The following SLC13A3 variants were observed in gnomAD, a reference collection of about 807,000 sequenced individuals.
The protein encoded by SLC13A3 is solute carrier family 13 member 3, also known as Na(+)/dicarboxylate cotransporter 3.
In SLC13A3, 40 loss-of-function variants were observed where a neutral mutation model predicts 59.0. That is an observed-to-expected ratio of 0.68 (90% CI 0.53 to 0.88). The LOEUF is 0.88. SLC13A3 is among the 40% of genes least tolerant of loss of function. The probability of loss-of-function intolerance (pLI) is 0.00; values close to 1 mark genes in which losing one functional copy is unlikely to be tolerated. For synonymous variants in SLC13A3, 317 were observed against 330.3 expected (o/e 0.96, Z 0.44); for missense variants, 699 against 783.2 (o/e 0.89, Z 1.28).
intron 12 of SLC13A3, among the ~76,000 whole-genome samples, chr20:46,561,476 C>G (rs180852143): frequency 3.1e-4 from 47 of 152,284 alleles, no homozygotes; most frequent in African/African-American, 1.1e-3. Context: ...GCCCTTTTAA[C>G]AAGGAGAGGC....
chr20:46,567,615 G>A (rs2061991951), intron 10 of SLC13A3, among the ~76,000 whole-genome samples: 1 of 151,828 alleles, frequency 6.6e-6, no homozygotes, highest in Admixed American at 6.6e-5. Flanking sequence ...GGCAGAGACG[G>A]GTAGAGAAGT....
At chr20:46,655,961 ATATGTATATATG>A (rs1237873999), upstream of SLC13A3, among the ~76,000 whole-genome samples, 10 of 142,826 alleles carry the variant, frequency 7.0e-5, no homozygotes, top group Non-Finnish European at 1.4e-4. Context: ...CAGTATACAT[ATATGTATATATG>A]TATGTATATA....
At chr20:46,614,622 G>A (rs181613572) in intron 1 of SLC13A3, among the ~76,000 whole-genome samples, 150 of 152,312 alleles carry the variant, frequency 9.8e-4, no homozygotes, top group African/African-American at 3.4e-3. Context: ...GCTGACATCT[G>A]TTGGGCTATT....
chr20:46,631,326 C>G (rs1456663139), intron 1 of SLC13A3, among the ~76,000 whole-genome samples: 2 of 152,200 alleles, frequency 1.3e-5, no homozygotes, highest in African/African-American at 4.8e-5. Flanking sequence ...TGGAGAAACC[C>G]TGGTCTAATC....
intron 8 of SLC13A3, among the ~76,000 whole-genome samples, chr20:46,586,860 A>T: frequency 6.6e-6 from 1 of 152,164 alleles, no homozygotes; most frequent in East Asian, 1.9e-4. Flanking sequence ...TGCAGGCCAC[A>T]TGGTGTTTGT....
intron 3 of SLC13A3, among the ~76,000 whole-genome samples, chr20:46,603,246 T>G (rs182453336): frequency 4.0e-5 from 6 of 151,662 alleles, no homozygotes; most frequent in Non-Finnish European, 7.4e-5. Context: ...AAAAGCCAGA[T>G]AGTAAACATT....
intron 11 of SLC13A3, 31 bp downstream of exon 11, chr20:46,566,198 G>T (rs762547630): frequency 1.9e-6 from 3 of 1,593,470 alleles, no homozygotes; most frequent in Non-Finnish European, 2.6e-6. Flanking sequence ...TGGGGGAGGG[G>T]TGCTCCCCTC....
In SLC13A3 at chr20:46,560,137, G is replaced by C; in HGVS notation, c.1694C>G (p.Thr565Ser). ...CAGCTGGAAGATGGTCTGTGCCCAG[G>C]TATTCATAGCCAAACTGAGCAGCAG... The part of the protein sequence containing the change: ...GVLLLSLAMN[T>S]WAQTIFQLGT... The change falls in exon 13 of 13, where the codon ACC becomes AGC. Residue 565 changes from threonine to serine, a missense_variant. Thr to Ser is a moderately conservative substitution (Grantham distance 58, BLOSUM62 1). Transcript: ENST00000279027. 1.2e-6 allele frequency: 2 copies of C among 1,614,110 alleles called. No homozygotes were observed. Among genetic ancestry groups the C allele is most frequent in the Non-Finnish European group, 1.7e-6 (2 of 1,180,006 alleles).
At chr20:46,592,639 TC>T in intron 5 of SLC13A3, 110 bp from the exon 6 acceptor site, 1 of 1,101,100 alleles carries the variant, frequency 9.1e-7, no homozygotes, top group Non-Finnish European at 1.3e-6. Flanking sequence ...AATGAGAGGG[TC>T]CCATGGAAGT....
chr20:46,596,368 A>G (rs759202564), intron 4 of SLC13A3, 26 bp from the exon 5 acceptor site: 11 of 1,608,510 alleles, frequency 6.8e-6, no homozygotes, highest in African/African-American at 1.3e-5. Context: ...AAGAGAAGCC[A>G]TTCAGAATAC....
chr20:46,585,184 C>T, intron 8 of SLC13A3: 1 of 984,318 alleles, frequency 1.0e-6, no homozygotes, highest in Non-Finnish European at 1.2e-6. Context: ...GGCAAGTTGT[C>T]CATGATCATA....
intron 1 of SLC13A3, chr20:46,675,823 T>C (rs896624840): frequency 3.3e-5 from 5 of 152,362 alleles, no homozygotes; most frequent in Non-Finnish European, 7.3e-5. Flanking sequence ...GGGAGAACCA[T>C]GAGAGGCAAC....
At chr20:46,652,547 ATTT>A (rs11471373), upstream of SLC13A3, among the ~76,000 whole-genome samples, 8,769 of 117,852 alleles carry the variant, frequency 0.074, 380 homozygotes, top group East Asian at 0.16. Context: ...TATCTGGCTA[ATTT>A]TTTTTTTTTT....
Position 46,559,987 on chromosome 20 carries a change from G to C in SLC13A3, c.*35C>G. ...GCAGGTGATGGTGACAGCCCTTTGA[G>C]AGGGTTCAGCCTCAAGGGAGTCCTC... On this transcript the variant is annotated 3_prime_UTR_variant, in exon 13 of 13. Coordinates refer to ENST00000279027, the MANE Select transcript of SLC13A3 (RefSeq NM_022829.6). 1 of 1,599,672 alleles carries C rather than the reference G, an allele frequency of 6.3e-7. No homozygotes were observed. The highest frequency in any genetic ancestry group is 8.6e-7 in the Non-Finnish European group (1 of 1,168,938).
At chr20:46,660,773 A>G (rs1205570752) in intron 1 of SLC13A3, among the ~76,000 whole-genome samples, 1 of 152,064 alleles carries the variant, frequency 6.6e-6, no homozygotes, top group African/African-American at 2.4e-5. Flanking sequence ...AGTAACATTT[A>G]TGTTAGAGCA....
chr20:46,608,376 G>A (rs940130528), intron 3 of SLC13A3, among the ~76,000 whole-genome samples: 5 of 152,298 alleles, frequency 3.3e-5, no homozygotes, highest in South Asian at 2.1e-4. Flanking sequence ...CAAGGGCAGC[G>A]TTGAGTAGTT....
At chr20:46,637,192 G>A (rs533165165) in intron 1 of SLC13A3, among the ~76,000 whole-genome samples, 1 of 152,284 alleles carries the variant, frequency 6.6e-6, no homozygotes, top group Non-Finnish European at 1.5e-5. Context: ...GGCGCAGTTG[G>A]GAAACCAGTG....
At chr20:46,607,299 A>G (rs1167717188) in intron 3 of SLC13A3, among the ~76,000 whole-genome samples, 1 of 152,204 alleles carries the variant, frequency 6.6e-6, no homozygotes, top group African/African-American at 2.4e-5. Flanking sequence ...TGCTGGTGCT[A>G]CAGATGTCCT....
intron 1 of SLC13A3, among the ~76,000 whole-genome samples, chr20:46,616,932 T>C (rs938887662): frequency 9.2e-5 from 14 of 152,206 alleles, no homozygotes; most frequent in African/African-American, 3.4e-4. Flanking sequence ...GAGCCACCTC[T>C]CCTCTTGAGT....
Sources: gnomAD v4.1 joint callset for allele counts (sites outside exome capture counted in the v4.1 genomes callset) on GRCh38, gnomAD v4.1.1 for gene constraint, MANE v1.5 for transcripts, NCBI Gene and HGNC (gene_info 2026-07-23, HGNC 2026-07-21) for gene names.